The following RPS6KC1 variants were observed in gnomAD, a reference collection of about 807,000 sequenced individuals.
RPS6KC1 encodes the protein inactive ribosomal protein S6 kinase delta-1.
A neutral mutation model predicts 103.8 loss-of-function variants in RPS6KC1; 54 were observed. That is an observed-to-expected ratio of 0.52 (90% CI 0.42 to 0.65). The LOEUF is 0.65. Ranked by LOEUF, RPS6KC1 falls within the 30% of genes least tolerant of loss-of-function variation. RPS6KC1 has a pLI of 0.00. For missense variants in RPS6KC1, 1,151 were observed against 1,253.8 expected, an observed-to-expected ratio of 0.92 and a Z score of 1.24; for synonymous variants, 439 against 438.7, an observed-to-expected ratio of 1.00 and a Z score of -0.01.
At chr1:213,789,756 G>A in the RPS6KC1 span, among the ~76,000 whole-genome samples, 1 of 152,150 alleles carries the variant, frequency 6.6e-6, no homozygotes, top group South Asian at 2.1e-4. Flanking sequence ...GCAGTGACAA[G>A]AAAAATGAGA....
chr1:213,811,572 G>T, the RPS6KC1 span, among the ~76,000 whole-genome samples: 1 of 152,342 alleles, frequency 6.6e-6, no homozygotes, highest in South Asian at 2.1e-4. Context: ...ACCATCTGGA[G>T]TGATCAGGAG....
chr1:213,652,023 G>A, the RPS6KC1 span, among the ~76,000 whole-genome samples: 2 of 152,078 alleles, frequency 1.3e-5, no homozygotes, highest in Non-Finnish European at 2.9e-5. Context: ...GCATACTTAT[G>A]CTAATTAATT....
the RPS6KC1 span, among the ~76,000 whole-genome samples, chr1:213,664,278 C>T: frequency 0.045 from 6,818 of 151,880 alleles, 377 homozygotes; most frequent in African/African-American, 0.13. Flanking sequence ...GCTGAGGCTC[C>T]GGCCTCAGGA....
At chr1:213,251,489 G>A (rs1043891472) in intron 12 of RPS6KC1, among the ~76,000 whole-genome samples, 25 of 152,262 alleles carry the variant, frequency 1.6e-4, no homozygotes, top group African/African-American at 6.0e-4. Flanking sequence ...GCTTTGCATG[G>A]GGAGCACTGG....
intron 8 of RPS6KC1, among the ~76,000 whole-genome samples, chr1:213,177,141 C>T (rs1333039612): frequency 6.6e-6 from 1 of 152,128 alleles, no homozygotes; most frequent in African/African-American, 2.4e-5. Flanking sequence ...ACTGGCCTCA[C>T]AGAGTTATCT....
At chr1:213,759,743 A>G in the RPS6KC1 span, among the ~76,000 whole-genome samples, 4 of 152,222 alleles carry the variant, frequency 2.6e-5, no homozygotes, top group African/African-American at 7.2e-5. Flanking sequence ...GTGGGAGGCA[A>G]TGGTCCTTAG....
At chr1:213,641,829 A>AAAATAAATAAATAAATAAAT in the RPS6KC1 span, among the ~76,000 whole-genome samples, 11,790 of 115,938 alleles carry the variant, frequency 0.1, 865 homozygotes, top group African/African-American at 0.23. Context: ...ACCCCCTGCA[A>AAAATAAATAAATAAATAAAT]AAATAAATAA....
At chr1:213,664,922 T>A in the RPS6KC1 span, among the ~76,000 whole-genome samples, 1 of 152,230 alleles carries the variant, frequency 6.6e-6, no homozygotes, top group Non-Finnish European at 1.5e-5. Context: ...ATGAAAAGGA[T>A]GAAATGTTTT....
At chr1:213,312,007 C>T in the RPS6KC1 span, among the ~76,000 whole-genome samples, 15 of 151,638 alleles carry the variant, frequency 9.9e-5, no homozygotes, top group Non-Finnish European at 2.1e-4. Flanking sequence ...AAGTGATTCT[C>T]CTGCCTCAGC....
At chr1:213,688,701 ATGTATC>A in the RPS6KC1 span, among the ~76,000 whole-genome samples, 1 of 152,238 alleles carries the variant, frequency 6.6e-6, no homozygotes, top group Non-Finnish European at 1.5e-5. Flanking sequence ...TCTTAAAAGA[ATGTATC>A]TGTGATATGA....
the RPS6KC1 span, among the ~76,000 whole-genome samples, chr1:213,588,581 G>C: frequency 6.6e-6 from 1 of 152,120 alleles, no homozygotes. Context: ...TTACAGGCGT[G>C]AGACACCATG....
rs187226575 is a variant in RPS6KC1 at position 213,177,285 on chromosome 1, C to T, written c.1044+793C>T. ...GTTTTAAGTATATTTGCTCAACCAC[C>T]GCTTTACCATTCAAAGTAAATAAAA... is the stretch of plus-strand genomic sequence containing the variant. On this transcript the variant is annotated intron_variant, in intron 8 of 14. Transcript: ENST00000366960. Among the ~76,000 whole-genome samples the T allele has an allele frequency of 1.1e-4, 17 of 152,172 alleles. No homozygotes were observed. In the East Asian group the frequency reaches 2.1e-3, roughly 19 times the overall value.
chr1:213,467,898 CT>C, the RPS6KC1 span, among the ~76,000 whole-genome samples: 1 of 152,198 alleles, frequency 6.6e-6, no homozygotes, highest in African/African-American at 2.4e-5. Flanking sequence ...CATATCATTG[CT>C]GTCAATATGC....
the RPS6KC1 span, among the ~76,000 whole-genome samples, chr1:213,736,225 C>G: frequency 6.6e-6 from 1 of 152,188 alleles, no homozygotes; most frequent in African/African-American, 2.4e-5. Flanking sequence ...GGTCAGTAGT[C>G]CAGGCACAAC....
intron 8 of RPS6KC1, among the ~76,000 whole-genome samples, chr1:213,182,744 GAT>G (rs2092331330): frequency 6.8e-6 from 1 of 147,874 alleles, no homozygotes; most frequent in South Asian, 2.1e-4. Flanking sequence ...ATATATATAT[GAT>G]ATATATACAT....
chr1:213,184,533 C>T (rs2092437923), intron 8 of RPS6KC1, among the ~76,000 whole-genome samples: 1 of 151,150 alleles, frequency 6.6e-6, no homozygotes, highest in Non-Finnish European at 1.5e-5. Flanking sequence ...TTTTCTTCTA[C>T]AAATTTGAGG....
At chr1:213,683,348 G>C in the RPS6KC1 span, among the ~76,000 whole-genome samples, 2 of 152,164 alleles carry the variant, frequency 1.3e-5, no homozygotes, top group Admixed American at 1.3e-4. Flanking sequence ...TTGTCAAAAT[G>C]TATTTGTCTT....
chr1:213,371,683 A>C, the RPS6KC1 span, among the ~76,000 whole-genome samples: 7 of 152,210 alleles, frequency 4.6e-5, no homozygotes, highest in Admixed American at 6.5e-5. Context: ...AAGATATTTT[A>C]CATAATGATT....
intron 1 of RPS6KC1, among the ~76,000 whole-genome samples, chr1:213,067,193 G>A (rs1219963763): frequency 6.6e-6 from 1 of 152,132 alleles, no homozygotes; most frequent in Non-Finnish European, 1.5e-5. Flanking sequence ...ACCACCTTGG[G>A]CACATGTTGT....
Sources: allele counts gnomAD v4.1 joint callset (sites outside exome capture counted in the v4.1 genomes callset), GRCh38; gene constraint gnomAD v4.1.1; transcripts MANE v1.5; gene names NCBI Gene and HGNC (gene_info 2026-07-23, HGNC 2026-07-21).